The following CTSC variants were observed in gnomAD, a reference collection of about 807,000 sequenced individuals.
CTSC encodes dipeptidyl peptidase 1.
In CTSC, 37 loss-of-function variants were observed where a neutral mutation model predicts 40.9. The observed-to-expected ratio is 0.91, with a 90% CI of 0.70 to 1.19. CTSC has a LOEUF of 1.19. CTSC is among the 50% of genes most tolerant of loss of function. CTSC has a pLI of 0.00. For missense variants in CTSC, 594 were observed against 567.3 expected (o/e 1.05, Z -0.48); for synonymous variants, 232 against 207.4 (o/e 1.12, Z -1.02).
intron 2 of CTSC, chr11:88,326,129 C>G (rs1307245957): frequency 1.2e-5 from 16 of 1,302,934 alleles, no homozygotes; most frequent in Non-Finnish European, 7.8e-6. Flanking sequence ...ACGGTGAAGC[C>G]ACCCAAGATT....
chr11:88,322,847 G>A lies in CTSC; in HGVS notation c.319-10293C>T, dbSNP rs574979069. Reference sequence around the variant, plus strand: ...TTGAATTCTACCAGAGGTACAAAGAGGAGCTGATACCCTTTCTTCTGAAAC... The same window carrying A: ...TTGAATTCTACCAGAGGTACAAAGAAGAGCTGATACCCTTTCTTCTGAAAC... On this transcript the variant is annotated intron_variant, in intron 2 of 6. Coordinates refer to ENST00000227266, the MANE Select transcript of CTSC (RefSeq NM_001814.6). 11 of 152,276 alleles carry A rather than the reference G, an allele frequency of 7.2e-5. No homozygotes were observed. The East Asian group carries it at 1.2e-3, about 16-fold the overall frequency. 9.4% of individuals were successfully genotyped at this position (152,276 alleles called of 1,614,324 possible).
chr11:88,328,450 C>A (rs1484160893), intron 2 of CTSC, among the ~76,000 whole-genome samples: 2 of 152,120 alleles, frequency 1.3e-5, no homozygotes, highest in African/African-American at 4.8e-5. Context: ...ATTGTTATAT[C>A]TTAATAATGA....
intron 4 of CTSC, among the ~76,000 whole-genome samples, chr11:88,305,707 T>C (rs1456812177): frequency 5.3e-5 from 8 of 152,238 alleles, no homozygotes; most frequent in Admixed American, 1.3e-4. Flanking sequence ...TCTGCTTTCA[T>C]ATTTCCTACT....
At chr11:88,313,107 TTG>T (rs1937800764) in intron 2 of CTSC, among the ~76,000 whole-genome samples, 1 of 152,160 alleles carries the variant, frequency 6.6e-6, no homozygotes, top group Non-Finnish European at 1.5e-5. Flanking sequence ...TCTTGCTGTG[TTG>T]CCCAGGCTGG....
chr11:88,332,120 G>A (rs1409141091), intron 2 of CTSC, among the ~76,000 whole-genome samples: 1 of 152,208 alleles, frequency 6.6e-6, no homozygotes, highest in Non-Finnish European at 1.5e-5. Flanking sequence ...CAATTGATTT[G>A]TAGGATAACA....
chr11:88,327,283 T>G (rs1298346273), intron 2 of CTSC, among the ~76,000 whole-genome samples: 1 of 152,206 alleles, frequency 6.6e-6, no homozygotes, highest in African/African-American at 2.4e-5. Context: ...ATTATAAAGT[T>G]TGGAAAATGC....
chr11:88,326,232 C>G, intron 2 of CTSC: 1 of 1,473,980 alleles, frequency 6.8e-7, no homozygotes, highest in Non-Finnish European at 9.0e-7. Flanking sequence ...AGGGAGTGTT[C>G]AGGAGGGCAG....
At chr11:88,304,943 C>A (rs1291042446) in intron 4 of CTSC, among the ~76,000 whole-genome samples, 1 of 152,098 alleles carries the variant, frequency 6.6e-6, no homozygotes, top group Non-Finnish European at 1.5e-5. Context: ...ACTAAAAATA[C>A]AAAAATTGGC....
At chr11:88,320,936 T>A in intron 2 of CTSC, 1 of 979,028 alleles carries the variant, frequency 1.0e-6, no homozygotes. Flanking sequence ...TAATGAAGTT[T>A]AAAGACCAGA....
At chr11:88,326,067 A>T in intron 2 of CTSC, 1 of 1,146,686 alleles carries the variant, frequency 8.7e-7, no homozygotes, top group Non-Finnish European at 1.1e-6. Flanking sequence ...AGGGATTTCA[A>T]AAGAGAAAAA....
chr11:88,321,718 T>C (rs1003782224), intron 2 of CTSC: 1 of 152,332 alleles, frequency 6.6e-6, no homozygotes, highest in Middle Eastern at 3.4e-3. Flanking sequence ...GTCTTTGCTA[T>C]TGTGAATAGT....
intron 2 of CTSC, among the ~76,000 whole-genome samples, chr11:88,317,547 G>A (rs1380538697): frequency 2.6e-5 from 4 of 152,154 alleles, no homozygotes; most frequent in East Asian, 1.9e-4. Context: ...ATTTACCAGC[G>A]GGGAAGCCAA....
Position 88,296,232 on chromosome 11 carries a change from T to G in CTSC, c.790A>C (p.Met264Leu), listed in dbSNP as rs779749265. The change falls in exon 6 of 7, where the codon ATG becomes CTG. Residue 264 changes from methionine to leucine, a missense_variant. Met to Leu is a conservative substitution (Grantham distance 15). Coordinates refer to ENST00000227266, the MANE Select transcript of CTSC (RefSeq NM_001814.6). ...CGGATTCTCGCTTCTAGCATACCCA[T>G]AGAAGCAAATGAGTAGCAGCTGCCA... ...SCGSCYSFAS[M>L]GMLEARIRIL... 12 of 1,613,780 alleles carry G rather than the reference T, an allele frequency of 7.4e-6. No individual in the cohort carries two copies. The highest frequency in any genetic ancestry group is 8.5e-6 in the Non-Finnish European group (10 of 1,179,892).
intron 2 of CTSC, among the ~76,000 whole-genome samples, chr11:88,313,381 G>A (rs979749906): frequency 6.6e-6 from 1 of 152,030 alleles, no homozygotes; most frequent in African/African-American, 2.4e-5. Context: ...CTTTTTTTCT[G>A]TCAATCTCTC....
Position 88,335,085 on chromosome 11 carries a change from A to C in CTSC, c.173-3T>G, listed in dbSNP as rs754153930. On this transcript the variant is annotated splice_region_variant and splice_polypyrimidine_tract_variant and intron_variant, in intron 1 of 6. Transcript: ENST00000227266. ...CACTACTTTTTTTTCTTGTGGTCCT[A>C]AAGAAAAAAAAAAAAAGCACAATAA... The C allele has an allele frequency of 6.3e-7, 1 of 1,587,120 alleles. No individual in the cohort carries two copies. The highest frequency in any genetic ancestry group is 8.6e-7 in the Non-Finnish European group (1 of 1,160,650).
intron 2 of CTSC, among the ~76,000 whole-genome samples, chr11:88,333,029 G>A (rs915847502): frequency 6.6e-6 from 1 of 152,136 alleles, no homozygotes; most frequent in Non-Finnish European, 1.5e-5. Flanking sequence ...TGCTTACACC[G>A]TGATTCACAA....
intron 2 of CTSC, among the ~76,000 whole-genome samples, chr11:88,319,820 G>T (rs1937957517): frequency 6.6e-6 from 1 of 152,094 alleles, no homozygotes; most frequent in African/African-American, 2.4e-5. Context: ...AAGATGATTT[G>T]TAATTTTGAA....
In CTSC at chr11:88,309,438, T is replaced by C. The variant is rs941706707; in HGVS notation, c.486-120A>G. ...GTGGTACAATCTTTCAGGAAGGTAA[T>C]TGGCAATATGTATCAATAGCCTAGA... On this transcript the variant is annotated intron_variant, in intron 3 of 6. Transcript: ENST00000227266. 19 of 872,836 alleles carry C rather than the reference T, an allele frequency of 2.2e-5. No homozygotes were observed. The East Asian group carries it at 2.4e-4, about 11-fold the overall frequency. 54.1% of individuals were successfully genotyped at this position (872,836 alleles called of 1,614,324 possible).
At chr11:88,312,287 A>G in intron 3 of CTSC, 101 bp downstream of exon 3, 2 of 1,146,808 alleles carry the variant, frequency 1.7e-6, no homozygotes, top group Non-Finnish European at 2.6e-6. Flanking sequence ...TCTAAGCCAA[A>G]GATATTTTGT....
Sources: allele counts gnomAD v4.1 joint callset (sites outside exome capture counted in the v4.1 genomes callset), GRCh38; gene constraint gnomAD v4.1.1; transcripts MANE v1.5; gene names NCBI Gene and HGNC (gene_info 2026-07-23, HGNC 2026-07-21).